The following FRAS1 variants were observed in gnomAD, a reference collection of about 807,000 sequenced individuals.
FRAS1 encodes the protein extracellular matrix organizing protein FRAS1.
A neutral mutation model predicts 435.2 loss-of-function variants in FRAS1; 290 were observed. The observed-to-expected ratio is 0.67, with a 90% CI of 0.61 to 0.73. FRAS1 has a LOEUF of 0.73. Among genes scored for constraint, FRAS1 ranks in the 30% least tolerant of loss-of-function variants. FRAS1 has a pLI of 0.00. For synonymous variants in FRAS1, 1,800 were observed against 1,851.0 expected, an observed-to-expected ratio of 0.97 and a Z score of 0.71; for missense variants, 4,860 against 5,001.5, an observed-to-expected ratio of 0.97 and a Z score of 0.85.
At chr4:78,282,188 A>C (rs1244882087) in intron 11 of FRAS1, among the ~76,000 whole-genome samples, 1 of 152,200 alleles carries the variant, frequency 6.6e-6, no homozygotes, top group Non-Finnish European at 1.5e-5. Context: ...CCTGTTAGCA[A>C]AAATGAATTG....
At chr4:78,277,203 T>G (rs1727090575) in intron 9 of FRAS1, among the ~76,000 whole-genome samples, 1 of 152,204 alleles carries the variant, frequency 6.6e-6, no homozygotes, top group Non-Finnish European at 1.5e-5. Context: ...ATTTTCCAGG[T>G]GCCGTCTGTC....
intron 2 of FRAS1, among the ~76,000 whole-genome samples, chr4:78,161,874 G>A (rs934182415): frequency 4.0e-5 from 6 of 150,272 alleles, no homozygotes; most frequent in Admixed American, 6.7e-5. Context: ...ACTTCTCTTC[G>A]CCATCCACCT....
At chr4:78,118,692 AC>A (rs200916108) in intron 2 of FRAS1, among the ~76,000 whole-genome samples, 9,115 of 152,160 alleles carry the variant, frequency 0.06, 743 homozygotes, top group African/African-American at 0.18. Context: ...GGTGGGAGTG[AC>A]CCGATTTTCC....
chr4:78,066,053 G>T, intron 2 of FRAS1, 37 bp downstream of exon 2: 1 of 1,479,662 alleles, frequency 6.8e-7, no homozygotes, highest in Non-Finnish European at 9.4e-7. Context: ...TCTGTCATTT[G>T]AATGTAAAAT....
chr4:78,276,110 C>A lies in FRAS1; in HGVS notation c.982-2545C>A, dbSNP rs1042493321. On this transcript the variant is annotated intron_variant, in intron 9 of 73. Transcript: ENST00000512123. Reference sequence around the variant, plus strand: ...TCTTTCTTCCAGTTGATCAAATCAGCTACTGAAGCTTGTGCATTCATCACG... The same window carrying A: ...TCTTTCTTCCAGTTGATCAAATCAGATACTGAAGCTTGTGCATTCATCACG... 2.0e-4 allele frequency among the ~76,000 whole-genome samples: 31 copies of A among 152,202 alleles called. 1 individual carries two copies. Among genetic ancestry groups the A allele is most frequent in the Admixed American group, 1.3e-4 (2 of 15,280 alleles).
chr4:78,513,286 A>G (rs1457780789), intron 64 of FRAS1, 106 bp from the exon 65 acceptor site: 30 of 1,123,934 alleles, frequency 2.7e-5, no homozygotes, highest in Non-Finnish European at 3.6e-5. Flanking sequence ...AGAAAAAAAA[A>G]TGGTAGCTCA....
intron 40 of FRAS1, among the ~76,000 whole-genome samples, chr4:78,440,863 G>T (rs1007157960): frequency 6.6e-6 from 1 of 152,180 alleles, no homozygotes; most frequent in African/African-American, 2.4e-5. Flanking sequence ...CAGCTGAACC[G>T]AGGTGGGTGA....
chr4:78,296,510 GC>G (rs1483409025), intron 14 of FRAS1, among the ~76,000 whole-genome samples: 1 of 152,176 alleles, frequency 6.6e-6, no homozygotes, highest in Non-Finnish European at 1.5e-5. Context: ...CTCTTGTGGG[GC>G]TGTGACTGGG....
rs1051792863 is a variant in FRAS1 at position 78,452,324 on chromosome 4, C to T, written c.6733C>T (p.Leu2245=). ...CTACAGAATCACCAGACAGCCCCAGCTGGGCCACTTGGAACATGCAGCATC... is the reference window on the plus strand; with the variant it reads ...CTACAGAATCACCAGACAGCCCCAGTTGGGCCACTTGGAACATGCAGCATC... ...LIYRITRQPQ[L]GHLEHAASPG... The change falls in exon 47 of 74, where the codon CTG becomes TTG. Residue 2245 remains leucine, a synonymous_variant. Coordinates refer to ENST00000512123, the MANE Select transcript of FRAS1 (RefSeq NM_025074.7). The T allele has an allele frequency of 6.2e-7, 1 of 1,608,918 alleles. No individual in the cohort carries two copies. Among genetic ancestry groups the T allele is most frequent in the South Asian group, 1.1e-5 (1 of 89,466 alleles).
Position 78,452,289 on chromosome 4 carries a change from C to T in FRAS1, c.6698C>T (p.Thr2233Ile), listed in dbSNP as rs794727686. The change falls in exon 47 of 74, where the codon ACA (threonine) becomes ATA (isoleucine). Residue 2233 changes from threonine to isoleucine, a missense_variant. Coordinates refer to ENST00000512123, the MANE Select transcript of FRAS1 (RefSeq NM_025074.7). ...LSATDQDSGP[T>I]ELIYRITRQP... ...GCCACTGACCAGGACAGTGGGCCTACAGAATTGATCTACAGAATCACCAGA... is the reference window on the plus strand; with the variant it reads ...GCCACTGACCAGGACAGTGGGCCTATAGAATTGATCTACAGAATCACCAGA... 6.2e-7 allele frequency: 1 copy of T among 1,613,248 alleles called. No homozygotes were observed. The highest frequency in any genetic ancestry group is 2.2e-5 in the East Asian group (1 of 44,868).
At chr4:78,092,233 C>T (rs1163418951) in intron 2 of FRAS1, among the ~76,000 whole-genome samples, 4 of 152,138 alleles carry the variant, frequency 2.6e-5, no homozygotes, top group East Asian at 3.9e-4. Context: ...AAGCTACGCA[C>T]AACTCAGGTC....
chr4:78,358,408 T>C (rs1181243365), intron 20 of FRAS1, among the ~76,000 whole-genome samples: 2 of 152,230 alleles, frequency 1.3e-5, no homozygotes, highest in South Asian at 2.1e-4. Context: ...ATGAAATTTA[T>C]AATATCAATT....
At chr4:78,346,378 G>T (rs947073871) in intron 20 of FRAS1, among the ~76,000 whole-genome samples, 1 of 152,108 alleles carries the variant, frequency 6.6e-6, no homozygotes, top group Non-Finnish European at 1.5e-5. Context: ...CATTTTACAG[G>T]CCAAGATAAG....
At chr4:78,128,484 T>G (rs1159539770) in intron 2 of FRAS1, among the ~76,000 whole-genome samples, 1 of 152,244 alleles carries the variant, frequency 6.6e-6, no homozygotes, top group Non-Finnish European at 1.5e-5. Flanking sequence ...GGTTTTGGTT[T>G]GCATTTCTCT....
chr4:78,290,465 T>TTTC (rs1727836703), intron 14 of FRAS1, among the ~76,000 whole-genome samples: 9 of 150,012 alleles, frequency 6.0e-5, no homozygotes, highest in South Asian at 4.2e-4. Flanking sequence ...TTCTTTCTTT[T>TTTC]TTTTTTTTTG....
chr4:78,410,957 G>A (rs1201981637), intron 31 of FRAS1, among the ~76,000 whole-genome samples: 3 of 152,166 alleles, frequency 2.0e-5, no homozygotes, highest in African/African-American at 7.2e-5. Flanking sequence ...CTAGAGCTAG[G>A]TGCTAACGTA....
intron 54 of FRAS1, 71 bp downstream of exon 54, chr4:78,475,677 T>C (rs1719834196): frequency 4.3e-6 from 6 of 1,411,710 alleles, no homozygotes; most frequent in Admixed American, 2.3e-5. Flanking sequence ...ATTGTGGCAC[T>C]TTCCTACTTC....
intron 2 of FRAS1, 101 bp from the exon 3 acceptor site, chr4:78,237,409 T>G: frequency 1.3e-6 from 1 of 775,184 alleles, no homozygotes; most frequent in South Asian, 1.7e-5. Context: ...CTTTTCTTTG[T>G]CTTGTAATTG....
intron 29 of FRAS1, among the ~76,000 whole-genome samples, chr4:78,390,818 AC>A (rs1732414538): frequency 6.6e-6 from 1 of 152,188 alleles, no homozygotes; most frequent in Admixed American, 6.5e-5. Flanking sequence ...TAGTTATTAA[AC>A]CTGGAGTGAG....
Sources: allele counts gnomAD v4.1 joint callset (sites outside exome capture counted in the v4.1 genomes callset), GRCh38; gene constraint gnomAD v4.1.1; transcripts MANE v1.5; gene names NCBI Gene and HGNC (gene_info 2026-07-23, HGNC 2026-07-21).